Variants in PSD3 observed in about 807,000 individuals in gnomAD.
The protein encoded by PSD3 is pleckstrin and Sec7 domain containing 3, also known as PH and SEC7 domain-containing protein 3.
PSD3 carries 49 observed loss-of-function variants against 105.5 expected under a neutral mutation model. That is an observed-to-expected ratio of 0.46 (90% CI 0.37 to 0.59). The LOEUF (loss-of-function observed/expected upper bound fraction) is 0.59, where lower values mean the gene tolerates loss of function less well. Ranked by LOEUF, PSD3 falls within the 20% of genes least tolerant of loss-of-function variation. The pLI, the probability that PSD3 is intolerant of heterozygous loss-of-function variation, is 0.00. For missense variants in PSD3, 1,561 were observed against 1,263.8 expected (o/e 1.24, Z -3.57); for synonymous variants, 557 against 457.8 (o/e 1.22, Z -2.77).
chr8:19,000,990 T>C (rs565780137), intron 1 of PSD3: 1 of 152,084 alleles, frequency 6.6e-6, no homozygotes, highest in East Asian at 1.9e-4. Flanking sequence ...TCAAATCTCT[T>C]ATACAAAGTG....
chr8:18,980,622 G>C (rs956986822), intron 1 of PSD3, among the ~76,000 whole-genome samples: 9 of 151,438 alleles, frequency 5.9e-5, no homozygotes, highest in Admixed American at 5.9e-4. Context: ...CTCCTTTCTT[G>C]CCTCTTTTTG....
chr8:18,547,608 C>T (rs1391755931), intron 15 of PSD3, among the ~76,000 whole-genome samples: 19 of 152,198 alleles, frequency 1.2e-4, no homozygotes. Flanking sequence ...AATGCTTTCC[C>T]TCTGACACTC....
intron 2 of PSD3, among the ~76,000 whole-genome samples, chr8:18,881,610 G>A (rs1016892262): frequency 6.6e-6 from 1 of 152,128 alleles, no homozygotes; most frequent in Non-Finnish European, 1.5e-5. Context: ...CAGGACATAC[G>A]TTTCCCCAGA....
At chr8:18,796,815 T>C (rs1163847092) in intron 8 of PSD3, among the ~76,000 whole-genome samples, 1 of 152,186 alleles carries the variant, frequency 6.6e-6, no homozygotes, top group Non-Finnish European at 1.5e-5. Flanking sequence ...GGTTGATTAG[T>C]GTATTCCCCA....
intron 8 of PSD3, among the ~76,000 whole-genome samples, chr8:18,778,805 C>G (rs1808335160): frequency 6.6e-6 from 1 of 151,866 alleles, no homozygotes; most frequent in African/African-American, 2.4e-5. Context: ...TGGAATAAAA[C>G]CCACTTGATC....
At chr8:18,931,361 CATG>C (rs1438789793) in intron 2 of PSD3, among the ~76,000 whole-genome samples, 27 of 152,022 alleles carry the variant, frequency 1.8e-4, no homozygotes, top group Admixed American at 1.8e-3. Flanking sequence ...AAAAAACTGA[CATG>C]AGACACTTCT....
intron 1 of PSD3, among the ~76,000 whole-genome samples, chr8:18,984,249 C>A (rs1307135734): frequency 1.3e-5 from 2 of 150,542 alleles, no homozygotes; most frequent in Non-Finnish European, 3.0e-5. Context: ...ACAAGCTATG[C>A]CTACATGTTT....
chr8:18,691,767 G>C (rs1217924274), intron 9 of PSD3, among the ~76,000 whole-genome samples: 1 of 152,124 alleles, frequency 6.6e-6, no homozygotes, highest in South Asian at 2.1e-4. Flanking sequence ...GCCAATCATT[G>C]AATCTAGGAG....
chr8:18,821,718 C>CACACACACACA (rs1554513426), intron 4 of PSD3, among the ~76,000 whole-genome samples: 15 of 64,472 alleles, frequency 2.3e-4, no homozygotes, highest in East Asian at 7.1e-4. Context: ...CACACACACA[C>CACACACACACA]CCCAATAACA....
At chr8:18,947,304 G>A (rs746444022) in intron 1 of PSD3, among the ~76,000 whole-genome samples, 3 of 152,174 alleles carry the variant, frequency 2.0e-5, no homozygotes, top group Admixed American at 6.6e-5. Context: ...AGAAGACGTC[G>A]GCAAAAAGCA....
At chr8:19,009,236 G>A (rs963482637) in intron 1 of PSD3, among the ~76,000 whole-genome samples, 2 of 152,078 alleles carry the variant, frequency 1.3e-5, no homozygotes, top group African/African-American at 4.8e-5. Context: ...TATAATGGTC[G>A]GTGATGAATT....
At chr8:18,747,570 G>A (rs984450189) in intron 9 of PSD3, among the ~76,000 whole-genome samples, 1 of 152,118 alleles carries the variant, frequency 6.6e-6, no homozygotes, top group Non-Finnish European at 1.5e-5. Context: ...TGGAAAAAGA[G>A]GAAACCAGAA....
chr8:18,821,717 A>ACACACCCCC (rs1554513425), intron 4 of PSD3, among the ~76,000 whole-genome samples: 5 of 141,224 alleles, frequency 3.5e-5, no homozygotes, highest in African/African-American at 1.3e-4. Context: ...ACACACACAC[A>ACACACCCCC]CCCCAATAAC....
intron 11 of PSD3, among the ~76,000 whole-genome samples, chr8:18,613,889 A>G (rs1230175304): frequency 6.6e-6 from 1 of 152,204 alleles, no homozygotes; most frequent in African/African-American, 2.4e-5. Context: ...AACAGCAACA[A>G]TAAATGAACT....
At chr8:18,598,789 A>T (rs1804225757) in intron 12 of PSD3, among the ~76,000 whole-genome samples, 1 of 152,140 alleles carries the variant, frequency 6.6e-6, no homozygotes, top group Non-Finnish European at 1.5e-5. Context: ...ACCATTTACA[A>T]CAGCATCAAA....
chr8:18,572,520 A>G lies in PSD3; in HGVS notation c.2784+8T>C. On this transcript the variant is annotated splice_region_variant and intron_variant, in intron 14 of 15. Transcript: ENST00000327040. ...TTCCCAAGGTCAAAGCACTATCAAG[A>G]TGATTACCTGAGACAGTTTTGTTGT... 2 of 1,613,326 alleles carry G rather than the reference A, an allele frequency of 1.2e-6. No individual in the cohort carries two copies. The highest frequency in any genetic ancestry group is 1.7e-6 in the Non-Finnish European group (2 of 1,179,464).
At chr8:18,547,457 G>C (rs1563309728) in intron 15 of PSD3, among the ~76,000 whole-genome samples, 4 of 152,156 alleles carry the variant, frequency 2.6e-5, no homozygotes, top group Admixed American at 1.3e-4. Context: ...TCCCCTCAAG[G>C]GGGTAGTCCC....
intron 9 of PSD3, among the ~76,000 whole-genome samples, chr8:18,697,232 G>A (rs116333377): frequency 0.015 from 2,340 of 152,198 alleles, 57 homozygotes; most frequent in African/African-American, 0.053. Context: ...TTAACTGCTC[G>A]ACAGCGACAT....
intron 15 of PSD3, among the ~76,000 whole-genome samples, chr8:18,543,699 C>T (rs773684622): frequency 1.3e-5 from 2 of 151,900 alleles, no homozygotes; most frequent in Non-Finnish European, 2.9e-5. Flanking sequence ...GCATCAATGT[C>T]TACGAGGGAT....
Sources: gnomAD v4.1 joint callset for allele counts (sites outside exome capture counted in the v4.1 genomes callset) on GRCh38, gnomAD v4.1.1 for gene constraint, MANE v1.5 for transcripts, NCBI Gene and HGNC (gene_info 2026-07-23, HGNC 2026-07-21) for gene names.